DLG5: variants seen among roughly 807,000 people sequenced by gnomAD.
The protein encoded by DLG5 is disks large homolog 5.
In DLG5, 48 loss-of-function variants were observed where a neutral mutation model predicts 189.8. The observed-to-expected ratio is 0.25, with a 90% CI of 0.20 to 0.32. The LOEUF (loss-of-function observed/expected upper bound fraction) is 0.32. DLG5 is among the 10% of genes least tolerant of loss of function. DLG5 has a pLI of 1.00. For missense variants in DLG5, 2,160 were observed against 2,544.7 expected (o/e 0.85, Z 3.25); for synonymous variants, 1,016 against 1,054.1 (o/e 0.96, Z 0.70).
chr10:77,840,520 C>T (rs1843365843), intron 7 of DLG5, among the ~76,000 whole-genome samples: 1 of 152,180 alleles, frequency 6.6e-6, no homozygotes, highest in Non-Finnish European at 1.5e-5. Context: ...GAGTTCGAGA[C>T]CAGCCTGGCC....
chr10:77,797,313 A>G lies in DLG5; in HGVS notation c.5165-719T>C, dbSNP rs372778058. Among the ~76,000 whole-genome samples the G allele has an allele frequency of 9.8e-5, 15 of 152,328 alleles. No homozygotes were observed. The East Asian group carries it at 1.7e-3, about 18-fold the overall frequency. ...AAATGAATAAAGTCCTTGCAGGGAG[A>G]CACAGTCTAAAACCCAGCAAGATCT... is the stretch of plus-strand genomic sequence containing the variant. On this transcript the variant is annotated intron_variant, in intron 27 of 31. Coordinates refer to ENST00000372391, the MANE Select transcript of DLG5 (RefSeq NM_004747.4).
intron 13 of DLG5, among the ~76,000 whole-genome samples, chr10:77,825,945 T>C (rs868590308): frequency 6.6e-6 from 1 of 152,144 alleles, no homozygotes; most frequent in Non-Finnish European, 1.5e-5. Context: ...CATATCCACA[T>C]TTAAAAAATT....
At chr10:77,806,487 C>T (rs1251085074) in intron 26 of DLG5, among the ~76,000 whole-genome samples, 3 of 152,138 alleles carry the variant, frequency 2.0e-5, no homozygotes, top group Non-Finnish European at 4.4e-5. Flanking sequence ...TTTGAGGGAG[C>T]GGCAAGGCAC....
Position 77,926,160 on chromosome 10 carries a change from AGGAG to A in DLG5, c.304+53_304+56del. On this transcript the variant is annotated intron_variant, in intron 1 of 31. Coordinates refer to ENST00000372391, the MANE Select transcript of DLG5 (RefSeq NM_004747.4). The surrounding 1 kb of genome is among the most constrained non-coding windows in gnomAD (Gnocchi z 5.2). Reference sequence around the variant, plus strand: ...CCCCGGCGAGGTACCCTCGGCCAGCAGGAGGGAGAAGCGGAGGGCGCGTCCCAGA... The same window carrying A: ...CCCCGGCGAGGTACCCTCGGCCAGCAGGAGAAGCGGAGGGCGCGTCCCAGA... 1 of 1,308,662 alleles carries A rather than the reference AGGAG, an allele frequency of 7.6e-7. No individual in the cohort carries two copies. The highest frequency in any genetic ancestry group is 9.8e-7 in the Non-Finnish European group (1 of 1,020,048). 81.1% of individuals were successfully genotyped at this position (1,308,662 alleles called of 1,614,324 possible).
At chr10:77,933,451 G>A in the DLG5 span, among the ~76,000 whole-genome samples, 1,366 of 151,666 alleles carry the variant, frequency 9.0e-3, 24 homozygotes, top group African/African-American at 0.031. Context: ...CCGCCACCAC[G>A]CTCGGCTAAT....
intron 2 of DLG5, chr10:77,866,962 C>T (rs1844706122): frequency 2.2e-6 from 1 of 457,030 alleles, no homozygotes; most frequent in African/African-American, 2.0e-5. Context: ...CCAGTTATTT[C>T]AGCATTAAAT....
chr10:77,887,015 C>G (rs139104312), intron 1 of DLG5, among the ~76,000 whole-genome samples: 176 of 152,300 alleles, frequency 1.2e-3, no homozygotes, highest in African/African-American at 4.1e-3. Context: ...TTTAAGCTTC[C>G]TGGTCTGTGA....
intron 20 of DLG5, among the ~76,000 whole-genome samples, chr10:77,815,216 G>A (rs925071227): frequency 2.6e-5 from 4 of 152,236 alleles, no homozygotes; most frequent in South Asian, 2.1e-4. Flanking sequence ...GCTCCTGCGC[G>A]TGCCACATGG....
intron 2 of DLG5, chr10:77,867,845 A>G (rs1844745953): frequency 2.3e-6 from 1 of 438,256 alleles, no homozygotes; most frequent in South Asian, 1.6e-5. Context: ...TAGTCTTTAC[A>G]GATGATCAAT....
At chr10:77,820,810 G>A (rs534309103) in intron 15 of DLG5, 2 of 491,098 alleles carry the variant, frequency 4.1e-6, no homozygotes, top group South Asian at 4.0e-5. Context: ...GTTTTATTGT[G>A]TAAGTTCAAA....
chr10:77,928,223 C>T (rs914872776), upstream of DLG5: 27 of 152,190 alleles, frequency 1.8e-4, no homozygotes, highest in African/African-American at 6.3e-4. Flanking sequence ...AATATTAGAT[C>T]AGGGGTTCTT....
intron 5 of DLG5, among the ~76,000 whole-genome samples, chr10:77,848,420 G>A (rs1053875860): frequency 1.3e-5 from 2 of 152,000 alleles, no homozygotes; most frequent in African/African-American, 4.8e-5. Context: ...GAAGACTCTC[G>A]GGGCCTGAGA....
the DLG5 span, among the ~76,000 whole-genome samples, chr10:77,935,716 G>A: frequency 2.0e-5 from 3 of 152,196 alleles, no homozygotes; most frequent in African/African-American, 7.2e-5. Flanking sequence ...AGGGCACTGT[G>A]AGCAGGAGAG....
intron 13 of DLG5, 49 bp from the exon 14 acceptor site, chr10:77,824,525 G>T: frequency 6.8e-7 from 1 of 1,469,282 alleles, no homozygotes. Flanking sequence ...GCGGCCTCAG[G>T]CCTACCAGTC....
intron 3 of DLG5, among the ~76,000 whole-genome samples, 186 bp downstream of exon 3, chr10:77,856,544 C>T (rs1291279656): frequency 6.6e-6 from 1 of 152,126 alleles, no homozygotes; most frequent in Non-Finnish European, 1.5e-5. Context: ...TGGGGACCTG[C>T]CCCACAAGAA....
chr10:77,844,863 G>A (rs186633405), intron 5 of DLG5, among the ~76,000 whole-genome samples: 42 of 152,322 alleles, frequency 2.8e-4, no homozygotes, highest in Middle Eastern at 3.4e-3. Context: ...GAGCACACTG[G>A]GCAGAGAGGG....
At chr10:77,892,783 T>A (rs1845648709) in intron 1 of DLG5, among the ~76,000 whole-genome samples, 1 of 152,244 alleles carries the variant, frequency 6.6e-6, no homozygotes, top group African/African-American at 2.4e-5. Context: ...GTGTACATGA[T>A]AAATATATAC....
rs968735442 is a variant in DLG5, at chr10:77,805,677, G to C, written c.5152C>G (p.Pro1718Ala). ...CTCAGCCACTTGCCTTCAAAGAGTG[G>C]AATGGAGTCACTGGAAAAGGCATCC... ...ALDAFSSDSI[P>A]LFEDSVSLAY... Residue 1718 changes from proline to alanine, a missense_variant, in exon 27 of 32, where the codon CCA (proline) becomes GCA (alanine). Pro to Ala is a conservative substitution (Grantham distance 27). Coordinates refer to ENST00000372391, the MANE Select transcript of DLG5 (RefSeq NM_004747.4). The C allele has an allele frequency of 4.3e-6, 7 of 1,612,038 alleles. No homozygotes were observed. Among genetic ancestry groups the C allele is most frequent in the Middle Eastern group, 3.3e-4 (2 of 6,002 alleles).
At chr10:77,812,538 CCT>C (rs1347567456) in intron 20 of DLG5, among the ~76,000 whole-genome samples, 161 bp from the exon 21 acceptor site, 25 of 152,196 alleles carry the variant, frequency 1.6e-4, no homozygotes, top group African/African-American at 3.1e-4. Flanking sequence ...TGGGCCCACC[CCT>C]GTGTGACAAA....
Sources: gnomAD v4.1 joint callset for allele counts (sites outside exome capture counted in the v4.1 genomes callset) on GRCh38, gnomAD v4.1.1 for gene constraint, Gnocchi (gnomAD v3.1) non-coding constraint, MANE v1.5 for transcripts, NCBI Gene and HGNC (gene_info 2026-07-23, HGNC 2026-07-21) for gene names.